The following RIF1 variants were observed in gnomAD, a reference collection of about 807,000 sequenced individuals.
RIF1 encodes replication timing regulatory factor 1.
RIF1 carries 45 observed loss-of-function variants against 247.1 expected under a neutral mutation model. The observed-to-expected ratio is 0.18, with a 90% CI of 0.14 to 0.23. RIF1 has a LOEUF of 0.23. Among genes scored for constraint, RIF1 ranks in the 10% least tolerant of loss-of-function variants. The probability of loss-of-function intolerance (pLI) is 1.00; values close to 1 mark genes in which losing one functional copy is unlikely to be tolerated. For missense variants in RIF1, 2,967 were observed against 2,862.5 expected (o/e 1.04, Z -0.83); for synonymous variants, 1,087 against 978.8 (o/e 1.11, Z -2.06).
intron 19 of RIF1, 21 bp from the exon 20 acceptor site, chr2:151,446,405 T>C (rs764145028): frequency 1.2e-6 from 2 of 1,607,948 alleles, no homozygotes; most frequent in African/African-American, 1.3e-5. Flanking sequence ...ACAAAACTTC[T>C]TTTTTTGTTG....
chr2:151,410,081 G>A, intron 1 of RIF1, 48 bp downstream of exon 1: 1 of 701,216 alleles, frequency 1.4e-6, no homozygotes, highest in East Asian at 2.7e-5. Flanking sequence ...GGAACCCTCA[G>A]TCTGCCCACC....
rs763193315 is a variant in RIF1 at position 151,498,260 on chromosome 2, C to T, written c.*514-1085C>T. 30 of 1,550,934 alleles carry T rather than the reference C, an allele frequency of 1.9e-5. No homozygotes were observed. Among genetic ancestry groups the T allele is most frequent in the East Asian group, 2.4e-5 (1 of 40,910 alleles). On this transcript the variant is annotated intron_variant and NMD_transcript_variant, in intron 10 of 13. Transcript: ENST00000454583. ...TTTTTCCCCTTTCTTTCCAAAATACCGAGCTAAGGTTTTCTTGATTGTGTT... is the reference window on the plus strand; with the variant it reads ...TTTTTCCCCTTTCTTTCCAAAATACTGAGCTAAGGTTTTCTTGATTGTGTT...
chr2:151,455,216 A>G (rs997508705), intron 22 of RIF1, 57 bp downstream of exon 22: 2 of 1,326,484 alleles, frequency 1.5e-6, no homozygotes, highest in South Asian at 2.9e-5. Flanking sequence ...AAATATAGGT[A>G]GCAACTTTTA....
intron 35 of RIF1, 76 bp from the exon 36 acceptor site, chr2:151,474,781 T>C (rs1166982513): frequency 1.2e-6 from 1 of 834,778 alleles, no homozygotes; most frequent in Non-Finnish European, 1.9e-6. Context: ...GCACTTGGAC[T>C]AACTTAAAAG....
At chr2:151,489,936 GAAT>G in intron 9 of RIF1, 1 of 1,479,234 alleles carries the variant, frequency 6.8e-7, no homozygotes, top group African/African-American at 1.4e-5. Flanking sequence ...CAAAAATTAA[GAAT>G]AATTTATTTA....
In RIF1 at chr2:151,465,582, A is replaced by G. The variant is rs1696769212; in HGVS notation, c.6062A>G (p.Asn2021Ser). 1 of 1,613,926 alleles carries G rather than the reference A, an allele frequency of 6.2e-7. No individual in the cohort carries two copies. The highest frequency in any genetic ancestry group is 8.5e-7 in the Non-Finnish European group (1 of 1,179,880). Residue 2021 changes from asparagine (N) to serine (S), a missense_variant, in exon 30 of 36, where the codon AAT becomes AGT. By Grantham distance (46) the Asn-to-Ser change is conservative. Coordinates refer to ENST00000444746, the MANE Select transcript of RIF1 (RefSeq NM_018151.5). ...GAAACGAATACCAAAATGAAAAATAATGAAGAAATGATGATCGGCGAGGCA... is the reference window on the plus strand; with the variant it reads ...GAAACGAATACCAAAATGAAAAATAGTGAAGAAATGATGATCGGCGAGGCA... ...SEETNTKMKN[N>S]EEMMIGEAMA...
chr2:151,446,322 A>G (rs1017021042), intron 19 of RIF1, 104 bp from the exon 20 acceptor site: 10 of 1,086,190 alleles, frequency 9.2e-6, no homozygotes, highest in African/African-American at 7.9e-5. Flanking sequence ...TTGACACACT[A>G]AATGTTGCAG....
intron 10 of RIF1, among the ~76,000 whole-genome samples, chr2:151,496,085 T>C (rs949703313): frequency 6.6e-6 from 1 of 152,176 alleles, no homozygotes; most frequent in Non-Finnish European, 1.5e-5. Context: ...ATTAGAACTT[T>C]ATGGATTAAA....
chr2:151,508,536 T>C (rs1208634398), downstream of RIF1, among the ~76,000 whole-genome samples: 1 of 152,130 alleles, frequency 6.6e-6, no homozygotes, highest in African/African-American at 2.4e-5. Flanking sequence ...GTCAAAGACA[T>C]GACCTCTAGA....
In RIF1 at chr2:151,465,275, T is replaced by C. The variant is rs748060677; in HGVS notation, c.5755T>C (p.Leu1919=). ...TCTAGAGAAAGCAAAAACTATGGAA[T>C]TGAATGTAGGAAATGAAGCTAGCTT... The part of the protein sequence containing the change: ...SNLEKAKTME[L]NVGNEASFHG... Residue 1919 remains leucine, a synonymous_variant, in exon 30 of 36, where the codon TTG becomes CTG. Coordinates refer to ENST00000444746, the MANE Select transcript of RIF1 (RefSeq NM_018151.5). 7.4e-5 allele frequency: 119 copies of C among 1,611,626 alleles called. No individual in the cohort carries two copies. In the South Asian group the frequency reaches 1.3e-3, roughly 17 times the overall value.
chr2:151,534,031 G>A, the RIF1 span, among the ~76,000 whole-genome samples: 1 of 152,212 alleles, frequency 6.6e-6, no homozygotes, highest in African/African-American at 2.4e-5. Context: ...TGAGAACACA[G>A]AGCATGGACT....
Position 151,464,504 on chromosome 2 carries a change from T to C in RIF1, c.4984T>C (p.Tyr1662His). The C allele has an allele frequency of 6.2e-7, 1 of 1,612,640 alleles. No homozygotes were observed. The highest frequency in any genetic ancestry group is 8.5e-7 in the Non-Finnish European group (1 of 1,179,646). ...EKNETSKYAE[Y>H]SFTSLPVPES... ...AAATGAAACTAGCAAATATGCAGAATATTCCTTTACAAGTCTACCTGTGCC... is the reference window on the plus strand; with the variant it reads ...AAATGAAACTAGCAAATATGCAGAACATTCCTTTACAAGTCTACCTGTGCC... The change falls in exon 30 of 36, where the codon TAT becomes CAT. Residue 1662 changes from tyrosine (Y) to histidine (H), a missense_variant. By Grantham distance (83) the Tyr-to-His change is moderately conservative. Coordinates refer to ENST00000444746, the MANE Select transcript of RIF1 (RefSeq NM_018151.5).
intron 2 of RIF1, among the ~76,000 whole-genome samples, chr2:151,410,836 C>G (rs1459413319): frequency 6.7e-6 from 1 of 149,150 alleles, no homozygotes; most frequent in Non-Finnish European, 1.5e-5. Context: ...TGTAAACCTC[C>G]GATGTGTTGG....
At chr2:151,468,882 G>A in intron 33 of RIF1, 126 bp downstream of exon 33, 1 of 713,120 alleles carries the variant, frequency 1.4e-6, no homozygotes, top group Non-Finnish European at 2.4e-6. Context: ...TTTTATTTTT[G>A]AAATAAAAAT....
chr2:151,496,178 A>G, intron 10 of RIF1: 1 of 1,311,294 alleles, frequency 7.6e-7, no homozygotes, highest in Non-Finnish European at 1.1e-6. Flanking sequence ...CACAAAATTT[A>G]AGTTGTCTTT....
intron 20 of RIF1, among the ~76,000 whole-genome samples, chr2:151,448,779 G>T (rs894429355): frequency 2.6e-5 from 4 of 152,276 alleles, no homozygotes; most frequent in Non-Finnish European, 4.4e-5. Context: ...GACATTGTCT[G>T]TCATGATGGT....
chr2:151,529,257 C>T, the RIF1 span: 2 of 1,613,658 alleles, frequency 1.2e-6, no homozygotes, highest in Non-Finnish European at 1.7e-6. Context: ...ATATGAACAG[C>T]ATCTGGCTCA....
chr2:151,416,298 C>G (rs749643666), intron 4 of RIF1, among the ~76,000 whole-genome samples: 1 of 152,130 alleles, frequency 6.6e-6, no homozygotes, highest in African/African-American at 2.4e-5. Context: ...ATGTTCAAAC[C>G]TACAGTGATA....
At chr2:151,431,700 T>C (rs1690156486) in intron 9 of RIF1, among the ~76,000 whole-genome samples, 2 of 152,130 alleles carry the variant, frequency 1.3e-5, no homozygotes, top group East Asian at 1.9e-4. Flanking sequence ...GGCAGGAGAA[T>C]CCGGGAGGAG....
Sources: allele counts gnomAD v4.1 joint callset (sites outside exome capture counted in the v4.1 genomes callset), GRCh38; gene constraint gnomAD v4.1.1; transcripts MANE v1.5; gene names NCBI Gene and HGNC (gene_info 2026-07-23, HGNC 2026-07-21).